The following PRKAR2A variants were observed in gnomAD, a reference collection of about 807,000 sequenced individuals.
PRKAR2A encodes the protein protein kinase cAMP-dependent type II regulatory subunit alpha.
In PRKAR2A, 29 loss-of-function variants were observed where a neutral mutation model predicts 51.9. The observed-to-expected ratio is 0.56, with a 90% CI of 0.42 to 0.76. The LOEUF (loss-of-function observed/expected upper bound fraction) is 0.76, where lower values mean the gene tolerates loss of function less well. PRKAR2A is among the 30% of genes least tolerant of loss of function. PRKAR2A has a pLI of 0.00. For missense variants in PRKAR2A, 445 were observed against 512.1 expected (o/e 0.87, Z 1.26); for synonymous variants, 178 against 186.2 (o/e 0.96, Z 0.36).
chr3:48,759,109 T>C (rs903567477), intron 8 of PRKAR2A, among the ~76,000 whole-genome samples: 1 of 152,234 alleles, frequency 6.6e-6, no homozygotes, highest in East Asian at 1.9e-4. Flanking sequence ...AAACCATGTT[T>C]TGATGATTTT....
intron 1 of PRKAR2A, among the ~76,000 whole-genome samples, chr3:48,841,122 G>A (rs1264663073): frequency 6.7e-6 from 1 of 150,142 alleles, no homozygotes; most frequent in Non-Finnish European, 1.5e-5. Flanking sequence ...CTGACCTCAG[G>A]TGATCCGCCC....
chr3:48,844,006 A>G (rs927954236), intron 1 of PRKAR2A, among the ~76,000 whole-genome samples: 6 of 148,716 alleles, frequency 4.0e-5, no homozygotes, highest in African/African-American at 1.2e-4. Flanking sequence ...TAAACTAAAG[A>G]GCTTCTGCAC....
intron 2 of PRKAR2A, 95 bp downstream of exon 2, chr3:48,807,554 G>T: frequency 9.8e-7 from 1 of 1,016,446 alleles, no homozygotes. Flanking sequence ...GTTCTGTGAT[G>T]GGAGCTTATC....
intron 9 of PRKAR2A, among the ~76,000 whole-genome samples, chr3:48,754,926 A>AAG (rs985601802): frequency 2.0e-5 from 3 of 151,438 alleles, no homozygotes; most frequent in Non-Finnish European, 4.4e-5. Flanking sequence ...AAAAAAAAAA[A>AAG]AGAGAGAGAG....
intron 3 of PRKAR2A, among the ~76,000 whole-genome samples, chr3:48,791,006 T>C (rs1371940817): frequency 1.3e-5 from 2 of 151,902 alleles, no homozygotes; most frequent in East Asian, 1.9e-4. Flanking sequence ...TTAAAAGTGT[T>C]GGCCGGGCGA....
At chr3:48,829,364 C>CA (rs1372747440) in intron 1 of PRKAR2A, among the ~76,000 whole-genome samples, 1 of 150,676 alleles carries the variant, frequency 6.6e-6, no homozygotes, top group East Asian at 2.1e-4. Context: ...ACTAAAAATA[C>CA]AAAAATTAGC....
intron 1 of PRKAR2A, among the ~76,000 whole-genome samples, chr3:48,838,705 G>A (rs945715938): frequency 3.0e-4 from 45 of 152,098 alleles, no homozygotes; most frequent in African/African-American, 1.2e-4. Context: ...GGCGCCAGGC[G>A]CGATGGCTCA....
In PRKAR2A at chr3:48,751,010, C is replaced by CA; in HGVS notation, c.*574dup. 3.3e-6 allele frequency: 1 copy of CA among 304,858 alleles called. No homozygotes were observed. Among genetic ancestry groups the CA allele is most frequent in the Non-Finnish European group, 6.4e-6 (1 of 155,932 alleles). The allele number at this position is 304,858 out of a possible 1,614,324, so 18.9% of individuals were successfully genotyped here. A position where few individuals can be genotyped will look rare whatever the true frequency, so the allele number is the denominator to read the frequency against. Reference sequence around the variant, plus strand: ...GGTTTGGAGACAGCTGTAATGTGTGCAGCTGTCAGCAGAAAGTACAATGCC... The same window carrying CA: ...GGTTTGGAGACAGCTGTAATGTGTGCAAGCTGTCAGCAGAAAGTACAATGCC... On this transcript the variant is annotated 3_prime_UTR_variant, in exon 11 of 11. Coordinates refer to ENST00000265563, the MANE Select transcript of PRKAR2A (RefSeq NM_004157.4).
rs548511352 is a variant in PRKAR2A at position 48,821,472 on chromosome 3, TAGAGATATGAGTTCTTG to T, written c.263-13805_263-13789del. 3.3e-4 allele frequency among the ~76,000 whole-genome samples: 50 copies of T among 152,318 alleles called. 1 individual carries two copies. In the South Asian group the frequency reaches 0.01, roughly 31 times the overall value. On this transcript the variant is annotated intron_variant, in intron 1 of 10. Transcript: ENST00000265563. ...TTAAATATGCAAGTTCCCTGGTTTT[TAGAGATATGAGTTCTTG>T]AGAGATATGAGTTCTAGGATCAATA...
intron 5 of PRKAR2A, among the ~76,000 whole-genome samples, chr3:48,779,865 T>C (rs1377433364): frequency 2.0e-5 from 3 of 151,180 alleles, no homozygotes; most frequent in Admixed American, 6.6e-5. Context: ...ATAATTTTAT[T>C]TTAAAACTAT....
intron 2 of PRKAR2A, among the ~76,000 whole-genome samples, chr3:48,803,517 C>T (rs2082624096): frequency 1.3e-5 from 2 of 152,158 alleles, no homozygotes; most frequent in South Asian, 4.1e-4. Context: ...CTCCGCTTCC[C>T]AGGTTCAAGC....
At chr3:48,829,861 ATATATATATATTTTTTT>A (rs1559646839) in intron 1 of PRKAR2A, among the ~76,000 whole-genome samples, 1 of 82,562 alleles carries the variant, frequency 1.2e-5, no homozygotes, top group African/African-American at 5.7e-5. Context: ...ATATATATAT[ATATATATATATTTTTTT>A]TTTTTTTTTA....
chr3:48,811,972 G>A (rs532038693), intron 1 of PRKAR2A, among the ~76,000 whole-genome samples: 1 of 152,110 alleles, frequency 6.6e-6, no homozygotes, highest in African/African-American at 2.4e-5. Context: ...GGGGGAATGG[G>A]GAGTGACTGC....
Position 48,847,500 on chromosome 3 carries a change from C to A in PRKAR2A, c.97G>T (p.Ala33Ser), listed in dbSNP as rs769854491. Residue 33 changes from alanine (A) to serine (S), a missense_variant, in exon 1 of 11, where the codon GCA becomes TCA. Coordinates refer to ENST00000265563, the MANE Select transcript of PRKAR2A (RefSeq NM_004157.4). The surrounding 1 kb of genome is among the most constrained non-coding windows in gnomAD (Gnocchi z 4.4). ...RQQPPDLVEF[A>S]VEYFTRLREA... ...CGCAGGCGGGTGAAGTACTCCACTG[C>A]GAATTCGACGAGGTCAGGCGGCTGC... is the stretch of plus-strand genomic sequence containing the variant. The A allele has an allele frequency of 1.2e-5, 19 of 1,555,782 alleles. No individual in the cohort carries two copies. The South Asian group carries it at 1.9e-4, about 15-fold the overall frequency.
intron 3 of PRKAR2A, among the ~76,000 whole-genome samples, chr3:48,792,144 T>G (rs1261035316): frequency 6.6e-6 from 1 of 151,618 alleles, no homozygotes; most frequent in Non-Finnish European, 1.5e-5. Context: ...ATCACTAAAG[T>G]TTTGGTTTTT....
intron 1 of PRKAR2A, among the ~76,000 whole-genome samples, chr3:48,843,185 A>G (rs1666348785): frequency 6.6e-6 from 1 of 151,766 alleles, no homozygotes; most frequent in Non-Finnish European, 1.5e-5. Context: ...TAGATTTTCT[A>G]GTTTATTTGC....
At chr3:48,746,353 T>C, downstream of PRKAR2A, among the ~76,000 whole-genome samples, 1 of 68,276 alleles carries the variant, frequency 1.5e-5, no homozygotes, top group African/African-American at 5.7e-5. Context: ...ATCCTGTCAC[T>C]AAAAAAAAAA....
intron 6 of PRKAR2A, among the ~76,000 whole-genome samples, chr3:48,772,095 T>C (rs1430577494): frequency 6.6e-6 from 1 of 152,224 alleles, no homozygotes; most frequent in Non-Finnish European, 1.5e-5. Context: ...ATAGTCTGCC[T>C]TCTTCTTTCC....
intron 10 of PRKAR2A, 35 bp downstream of exon 10, chr3:48,752,141 A>C: frequency 6.3e-7 from 1 of 1,590,688 alleles, no homozygotes; most frequent in Non-Finnish European, 8.5e-7. Context: ...TACATGTTAG[A>C]AAAAGAATAT....
Sources: allele counts gnomAD v4.1 joint callset (sites outside exome capture counted in the v4.1 genomes callset), GRCh38; gene constraint gnomAD v4.1.1; non-coding constraint Gnocchi (gnomAD v3.1); transcripts MANE v1.5; gene names NCBI Gene and HGNC (gene_info 2026-07-23, HGNC 2026-07-21).